The following SND1 variants were observed in gnomAD, a reference collection of about 807,000 sequenced individuals.
SND1 encodes staphylococcal nuclease and tudor domain containing 1.
Under a neutral mutation model 121.7 loss-of-function variants are expected in SND1, and 38 were observed. The ratio of observed to expected loss-of-function variants is 0.31; its 90% CI spans 0.24 to 0.41. SND1 has a LOEUF of 0.41. Among genes scored for constraint, SND1 ranks in the 10% least tolerant of loss-of-function variants. SND1 has a pLI of 1.00. For missense variants in SND1, 868 were observed against 1,184.6 expected, an observed-to-expected ratio of 0.73 and a Z score of 3.92; for synonymous variants, 401 against 447.4, an observed-to-expected ratio of 0.90 and a Z score of 1.31.
intron 16 of SND1, among the ~76,000 whole-genome samples, chr7:128,023,063 C>T (rs1227925498): frequency 2.0e-5 from 3 of 152,222 alleles, no homozygotes; most frequent in Non-Finnish European, 4.4e-5. Context: ...AGTCCTCCCC[C>T]ATCCAGGGTC....
intron 12 of SND1, among the ~76,000 whole-genome samples, chr7:127,880,766 T>C (rs1356388152): frequency 6.6e-6 from 1 of 151,932 alleles, no homozygotes; most frequent in African/African-American, 2.4e-5. Flanking sequence ...TGTGCCCACT[T>C]TCTTGATACT....
At chr7:127,852,708 G>A (rs559734098) in intron 12 of SND1, among the ~76,000 whole-genome samples, 4 of 152,016 alleles carry the variant, frequency 2.6e-5, no homozygotes, top group Admixed American at 2.6e-4. Flanking sequence ...CTGCTCAAGA[G>A]GTTGAGGTGG....
chr7:127,910,201 A>G (rs1458556583), intron 14 of SND1, among the ~76,000 whole-genome samples: 1 of 152,200 alleles, frequency 6.6e-6, no homozygotes, highest in Non-Finnish European at 1.5e-5. Context: ...GCACTTTGGG[A>G]GGCTGAGGTG....
At chr7:127,722,959 T>C (rs1398136909) in intron 10 of SND1, among the ~76,000 whole-genome samples, 1 of 152,206 alleles carries the variant, frequency 6.6e-6, no homozygotes, top group Non-Finnish European at 1.5e-5. Context: ...AATACACATC[T>C]CCAATTTTAT....
At chr7:127,692,195 A>T (rs536499140) in intron 2 of SND1, among the ~76,000 whole-genome samples, 10 of 152,198 alleles carry the variant, frequency 6.6e-5, no homozygotes, top group Admixed American at 2.6e-4. Context: ...TTAAGAGTCT[A>T]TCTGGTCAAA....
chr7:127,917,274 C>T (rs558720289), intron 14 of SND1, among the ~76,000 whole-genome samples: 2 of 152,226 alleles, frequency 1.3e-5, no homozygotes, highest in African/African-American at 2.4e-5. Flanking sequence ...TTCCCAAATA[C>T]ACCGAAAGCA....
At chr7:127,770,622 A>T (rs1797497720) in intron 10 of SND1, among the ~76,000 whole-genome samples, 1 of 152,180 alleles carries the variant, frequency 6.6e-6, no homozygotes, top group African/African-American at 2.4e-5. Context: ...ACTAGAACCC[A>T]GTCCTGACCC....
At chr7:127,849,149 G>A (rs1034437939) in intron 12 of SND1, among the ~76,000 whole-genome samples, 1 of 152,200 alleles carries the variant, frequency 6.6e-6, no homozygotes, top group Non-Finnish European at 1.5e-5. Context: ...TTTGTGACAT[G>A]AGGCTGTCAA....
intron 9 of SND1, 117 bp downstream of exon 9, chr7:127,707,764 GGAGT>G: frequency 3.6e-6 from 2 of 558,170 alleles, no homozygotes; most frequent in Non-Finnish European, 6.2e-6. Context: ...CAAGCCAGTA[GGAGT>G]GTGTGTGTGT....
intron 10 of SND1, among the ~76,000 whole-genome samples, chr7:127,749,062 T>G (rs1797033968): frequency 1.4e-5 from 2 of 139,894 alleles, no homozygotes; most frequent in African/African-American, 2.5e-5. Flanking sequence ...TTTTTTTTTT[T>G]GAGACAGGGT....
At chr7:127,951,352 C>CGAGGTAACTAAAATAGTGACA (rs1322751196) in intron 15 of SND1, among the ~76,000 whole-genome samples, 4 of 152,044 alleles carry the variant, frequency 2.6e-5, no homozygotes, top group Admixed American at 6.5e-5. Context: ...TCCAGTTACG[C>CGAGGTAACTAAAATAGTGACA]GAGGTAACTA....
chr7:127,941,333 A>G (rs1026927209), intron 15 of SND1, among the ~76,000 whole-genome samples: 1 of 152,178 alleles, frequency 6.6e-6, no homozygotes, highest in Non-Finnish European at 1.5e-5. Context: ...AAAACTTTCT[A>G]TTCAAGCTTT....
chr7:127,920,472 A>G (rs920271132), intron 14 of SND1, among the ~76,000 whole-genome samples: 2 of 152,200 alleles, frequency 1.3e-5, no homozygotes, highest in African/African-American at 4.8e-5. Flanking sequence ...CAAAGCCATG[A>G]TACTATAAAC....
At chr7:127,944,963 C>T (rs1178960652) in intron 15 of SND1, among the ~76,000 whole-genome samples, 1 of 152,196 alleles carries the variant, frequency 6.6e-6, no homozygotes, top group Non-Finnish European at 1.5e-5. Flanking sequence ...AAGAAACAGC[C>T]TCAATTAACT....
intron 16 of SND1, among the ~76,000 whole-genome samples, chr7:127,994,670 A>G (rs1436495378): frequency 6.6e-6 from 1 of 151,286 alleles, no homozygotes; most frequent in East Asian, 1.9e-4. Flanking sequence ...AGTTTTTACA[A>G]TAAAGTTTCA....
At chr7:127,926,720 T>TTTG (rs57562959) in intron 14 of SND1, among the ~76,000 whole-genome samples, 12,532 of 142,300 alleles carry the variant, frequency 0.088, 550 homozygotes, top group South Asian at 0.11. Flanking sequence ...ACCCGGCTAT[T>TTTG]TTGTTGTTGT....
chr7:127,686,423 C>T (rs1466436630), intron 1 of SND1, among the ~76,000 whole-genome samples, 190 bp from the exon 2 acceptor site: 1 of 152,148 alleles, frequency 6.6e-6, no homozygotes, highest in African/African-American at 2.4e-5. Flanking sequence ...AATTTGGCCC[C>T]AGGCTTTATG....
At chr7:127,990,305 C>A (rs990681073) in intron 15 of SND1, among the ~76,000 whole-genome samples, 1 of 152,120 alleles carries the variant, frequency 6.6e-6, no homozygotes, top group African/African-American at 2.4e-5. Context: ...GGATGTGAAA[C>A]TGGGTTTCTT....
intron 11 of SND1, among the ~76,000 whole-genome samples, chr7:127,840,991 T>C (rs1367825632): frequency 6.6e-6 from 1 of 152,240 alleles, no homozygotes; most frequent in Non-Finnish European, 1.5e-5. Flanking sequence ...TTTTTTTGTC[T>C]TCCCACTGAT....
Sources: allele counts gnomAD v4.1 joint callset (sites outside exome capture counted in the v4.1 genomes callset), GRCh38; gene constraint gnomAD v4.1.1; transcripts MANE v1.5; gene names NCBI Gene and HGNC (gene_info 2026-07-23, HGNC 2026-07-21).